The following RPGRIP1L variants were observed in gnomAD, a reference collection of about 807,000 sequenced individuals.
RPGRIP1L encodes protein fantom.
RPGRIP1L carries 131 observed loss-of-function variants against 160.4 expected under a neutral mutation model. The ratio of observed to expected loss-of-function variants is 0.82; its 90% CI spans 0.71 to 0.94. RPGRIP1L has a LOEUF of 0.94. Ranked by LOEUF, RPGRIP1L falls within the 40% of genes least tolerant of loss-of-function variation. The pLI is 0.00. For missense variants in RPGRIP1L, 1,522 were observed against 1,535.8 expected, an observed-to-expected ratio of 0.99 and a Z score of 0.15; for synonymous variants, 510 against 515.8, an observed-to-expected ratio of 0.99 and a Z score of 0.15.
At chr16:53,630,803 C>T (rs1439628652) in intron 22 of RPGRIP1L, among the ~76,000 whole-genome samples, 3 of 152,164 alleles carry the variant, frequency 2.0e-5, no homozygotes, top group Middle Eastern at 3.4e-3. Flanking sequence ...GGTGCAATCT[C>T]GACTCACTGC....
chr16:53,673,771 T>C (rs989469167), intron 7 of RPGRIP1L, among the ~76,000 whole-genome samples: 2 of 152,120 alleles, frequency 1.3e-5, no homozygotes, highest in African/African-American at 4.8e-5. Flanking sequence ...GGTATTATTA[T>C]AGAACAGTAT....
chr16:53,612,625 A>G (rs1964128086), intron 24 of RPGRIP1L, among the ~76,000 whole-genome samples: 2 of 149,902 alleles, frequency 1.3e-5, no homozygotes, highest in Admixed American at 6.7e-5. Context: ...TCAGTGGTTA[A>G]AAAAAAAAGA....
intron 22 of RPGRIP1L, among the ~76,000 whole-genome samples, chr16:53,626,090 A>G (rs949800265): frequency 6.8e-6 from 1 of 147,672 alleles, no homozygotes; most frequent in Non-Finnish European, 1.5e-5. Context: ...CTATTGTCCT[A>G]TGACCCTGTC....
At chr16:53,645,265 G>A (rs887800925) in intron 17 of RPGRIP1L, among the ~76,000 whole-genome samples, 1 of 151,694 alleles carries the variant, frequency 6.6e-6, no homozygotes, top group African/African-American at 2.4e-5. Flanking sequence ...ACATTGTACT[G>A]TTGGTATATA....
chr16:53,699,333 G>GTCC (rs1297824176), intron 2 of RPGRIP1L, among the ~76,000 whole-genome samples: 3 of 132,164 alleles, frequency 2.3e-5, no homozygotes, highest in African/African-American at 8.8e-5. Flanking sequence ...CTCCACTATT[G>GTCC]TCCTATGACC....
intron 24 of RPGRIP1L, among the ~76,000 whole-genome samples, chr16:53,615,599 G>A (rs1964325711): frequency 6.7e-6 from 1 of 150,316 alleles, no homozygotes; most frequent in Non-Finnish European, 1.5e-5. Flanking sequence ...TCAGCCTCCT[G>A]AGTAGCTGGG....
At chr16:53,617,375 T>C (rs899639298) in intron 24 of RPGRIP1L, among the ~76,000 whole-genome samples, 2 of 152,200 alleles carry the variant, frequency 1.3e-5, no homozygotes, top group African/African-American at 4.8e-5. Context: ...TTTCTTGGGG[T>C]ATCTTTCTTA....
intron 14 of RPGRIP1L, among the ~76,000 whole-genome samples, chr16:53,655,344 CA>C (rs1194637751): frequency 2.6e-5 from 4 of 151,964 alleles, no homozygotes; most frequent in African/African-American, 4.8e-5. Context: ...AATATTTAAA[CA>C]TTTTTTTCAC....
Position 53,636,941 on chromosome 16 carries a change from GACACACACACACAC to G in RPGRIP1L, c.3221-443_3221-430del, listed in dbSNP as rs34373919. 7.3e-3 allele frequency among the ~76,000 whole-genome samples: 1,040 copies of G among 142,220 alleles called. 14 individuals carry two copies. Among genetic ancestry groups the G allele is most frequent in the African/African-American group, 0.025 (971 of 39,010 alleles). 93.3% of individuals were successfully genotyped at this position (142,220 alleles called of 152,430 possible). On this transcript the variant is annotated intron_variant, in intron 21 of 26. Transcript: ENST00000647211. Reference sequence around the variant, plus strand: ...TACACACAATTAAACTGCAATATTTGACACACACACACACACACACACACACACACACACACACA... The same window carrying G: ...TACACACAATTAAACTGCAATATTTGACACACACACACACACACACACACA...
intron 22 of RPGRIP1L, among the ~76,000 whole-genome samples, chr16:53,630,409 CAA>C (rs984487523): frequency 4.6e-5 from 7 of 151,984 alleles, no homozygotes; most frequent in African/African-American, 1.7e-4. Context: ...ATTAGTTTGG[CAA>C]AGAGTGTAAT....
rs577614417 is a variant in RPGRIP1L, at chr16:53,670,531, T to C, written c.1103+979A>G. Among the ~76,000 whole-genome samples the C allele has an allele frequency of 2.6e-5, 4 of 152,178 alleles. No individual in the cohort carries two copies. The East Asian group carries it at 7.7e-4, about 29-fold the overall frequency. ...TCTGTATCACTTAACCAAACTTAGA[T>C]GTGGGGTATAATTTTGTTTCTAATA... On this transcript the variant is annotated intron_variant, in intron 9 of 26. Coordinates refer to ENST00000647211, the MANE Select transcript of RPGRIP1L (RefSeq NM_015272.5).
intron 24 of RPGRIP1L, among the ~76,000 whole-genome samples, chr16:53,614,961 G>A (rs1449924040): frequency 6.6e-6 from 1 of 152,168 alleles, no homozygotes; most frequent in Non-Finnish European, 1.5e-5. Flanking sequence ...TGTTATCAAT[G>A]TCATATGGCA....
chr16:53,676,885 G>A (rs1287837257), intron 6 of RPGRIP1L, among the ~76,000 whole-genome samples: 1 of 151,842 alleles, frequency 6.6e-6, no homozygotes, highest in South Asian at 2.1e-4. Flanking sequence ...CACCCGCCTC[G>A]GCCTCCCAAA....
intron 6 of RPGRIP1L, among the ~76,000 whole-genome samples, chr16:53,684,892 C>T (rs1199552888): frequency 6.6e-6 from 1 of 151,800 alleles, no homozygotes; most frequent in Non-Finnish European, 1.5e-5. Flanking sequence ...AGTTTCTGCA[C>T]AGCAAAAGAA....
intron 22 of RPGRIP1L, 124 bp downstream of exon 22, chr16:53,636,315 T>C: frequency 1.4e-6 from 1 of 739,926 alleles, no homozygotes; most frequent in Non-Finnish European, 2.4e-6. Context: ...AAGATTATGA[T>C]AAACATTAAA....
At chr16:53,639,292 G>A (rs560262447) in intron 19 of RPGRIP1L, among the ~76,000 whole-genome samples, 1 of 151,702 alleles carries the variant, frequency 6.6e-6, no homozygotes, top group South Asian at 2.1e-4. Flanking sequence ...AAACTTCTTA[G>A]ATTTCTATTT....
chr16:53,686,259 TTAGAC>T (rs1970005709), intron 6 of RPGRIP1L, among the ~76,000 whole-genome samples, 169 bp downstream of exon 6: 1 of 152,214 alleles, frequency 6.6e-6, no homozygotes, highest in Non-Finnish European at 1.5e-5. Flanking sequence ...AAAACTGTCT[TTAGAC>T]TAGAGTTCTT....
At chr16:53,697,712 C>T (rs993848485) in intron 2 of RPGRIP1L, among the ~76,000 whole-genome samples, 1 of 152,154 alleles carries the variant, frequency 6.6e-6, no homozygotes, top group Non-Finnish European at 1.5e-5. Context: ...CGGCTCGCTA[C>T]AACCTCCACC....
chr16:53,685,228 G>A (rs1337779922), intron 6 of RPGRIP1L, among the ~76,000 whole-genome samples: 5 of 152,188 alleles, frequency 3.3e-5, no homozygotes, highest in Admixed American at 3.3e-4. Flanking sequence ...AGGTTATGGA[G>A]AAAAAGGAAC....
Sources: allele counts gnomAD v4.1 joint callset (sites outside exome capture counted in the v4.1 genomes callset), GRCh38; gene constraint gnomAD v4.1.1; transcripts MANE v1.5; gene names NCBI Gene and HGNC (gene_info 2026-07-23, HGNC 2026-07-21).